AXIN2: variants seen among roughly 807,000 people sequenced by gnomAD.
AXIN2 encodes axin 2.
AXIN2 carries 21 observed loss-of-function variants against 74.7 expected under a neutral mutation model. The observed-to-expected ratio is 0.28, with a 90% CI of 0.20 to 0.40. AXIN2 has a LOEUF of 0.40. AXIN2 is among the 10% of genes least tolerant of loss of function. AXIN2 has a pLI of 1.00. For synonymous variants in AXIN2, 532 were observed against 454.9 expected, an observed-to-expected ratio of 1.17 and a Z score of -2.16; for missense variants, 1,144 against 1,111.1, an observed-to-expected ratio of 1.03 and a Z score of -0.42.
At position 65,537,737 on chromosome 17, in the gene AXIN2, T is replaced by C. The variant is rs1367280984; in HGVS notation, c.1299A>G (p.Glu433=). 7.7e-6 allele frequency: 12 copies of C among 1,566,772 alleles called. No individual in the cohort carries two copies. In the South Asian group the frequency reaches 1.2e-4, roughly 15 times the overall value. The change falls in exon 6 of 11, where the codon GAA becomes GAG. Residue 433 remains glutamate (E), a synonymous_variant. Transcript: ENST00000307078. ...GATCGTCCAGTATCGTCTGCGGGTCTTCCTCGTAGCTGCCGGAGGGCAGTA... is the reference window on the plus strand; with the variant it reads ...GATCGTCCAGTATCGTCTGCGGGTCCTCCTCGTAGCTGCCGGAGGGCAGTA... ...LSLLPSGSYE[E]DPQTILDDHL...
At chr17:65,531,737 A>G (rs1340552063) in intron 10 of AXIN2, among the ~76,000 whole-genome samples, 1 of 152,062 alleles carries the variant, frequency 6.6e-6, no homozygotes, top group African/African-American at 2.4e-5. Flanking sequence ...TCTCCAAGAA[A>G]CAGGCTTTTC....
rs1274418296 is a variant in AXIN2, at chr17:65,537,493, G to A, written c.1543C>T (p.His515Tyr). ...FVTKQTTKHV[H>Y]HHYIHHHAVP... is the part of the protein sequence containing the mutation. ...GCATGGTGGTGGATGTAGTGGTGGTGGACATGCTTCGTCGTCTGCTTGGTC... is the reference window on the plus strand; with the variant it reads ...GCATGGTGGTGGATGTAGTGGTGGTAGACATGCTTCGTCGTCTGCTTGGTC... Residue 515 changes from histidine (H) to tyrosine (Y), a missense_variant, in exon 6 of 11, where the codon CAC becomes TAC. By Grantham distance (83) the His-to-Tyr change is moderately conservative (BLOSUM62 2). This residue lies in a region of AXIN2 where 1,053 missense variants were observed against 973.5 expected (regional missense o/e 1.08). Coordinates refer to ENST00000307078, the MANE Select transcript of AXIN2 (RefSeq NM_004655.4). 8 of 1,613,752 alleles carry A rather than the reference G, an allele frequency of 5.0e-6. No individual in the cohort carries two copies. The African/African-American group carries it at 8.0e-5, about 16-fold the overall frequency.
At chr17:65,546,690 T>A in intron 3 of AXIN2, among the ~76,000 whole-genome samples, 1 of 152,200 alleles carries the variant, frequency 6.6e-6, no homozygotes, top group Non-Finnish European at 1.5e-5. Context: ...TGACAGTTAA[T>A]CTGATAACCT....
chr17:65,552,955 G>A (rs2044215262), intron 2 of AXIN2, among the ~76,000 whole-genome samples: 2 of 152,026 alleles, frequency 1.3e-5, no homozygotes. Flanking sequence ...TTGAACCCGG[G>A]AGGCAAAGGT....
rs111470596 is a variant in AXIN2 at position 65,558,186 on chromosome 17, G to A, written c.435C>T (p.Val145=). 6.2e-7 allele frequency: 1 copy of A among 1,614,106 alleles called. No homozygotes were observed. Among genetic ancestry groups the A allele is most frequent in the Non-Finnish European group, 8.5e-7 (1 of 1,180,022 alleles). The change falls in exon 2 of 11, where the codon GTC becomes GTT. Residue 145 remains valine, a synonymous_variant. Coordinates refer to ENST00000307078, the MANE Select transcript of AXIN2 (RefSeq NM_004655.4). ...TGGTGGCAGGCTTCAGCTGCTTGGA[G>A]ACAATGCTGTTGTTCTCAATGTACC... ...YKRYIENNSI[V]SKQLKPATKT... is the part of the protein sequence containing the mutation.
intron 10 of AXIN2, among the ~76,000 whole-genome samples, chr17:65,530,324 C>A (rs939105759): frequency 3.9e-5 from 6 of 152,220 alleles, no homozygotes; most frequent in Non-Finnish European, 8.8e-5. Flanking sequence ...CACTGAGCAG[C>A]AGCCTGGGCT....
At chr17:65,549,691 A>C (rs2044165531) in intron 2 of AXIN2, 31 bp from the exon 3 acceptor site, 14 of 1,575,208 alleles carry the variant, frequency 8.9e-6, no homozygotes, top group Admixed American at 1.8e-5. Context: ...TGGTTCAGTC[A>C]CTGACCCTCA....
chr17:65,530,359 C>T (rs2144393941), intron 10 of AXIN2, among the ~76,000 whole-genome samples: 1 of 152,330 alleles, frequency 6.6e-6, no homozygotes, highest in African/African-American at 2.4e-5. Context: ...CAATCTTCAA[C>T]CCAGCACCTC....
intron 2 of AXIN2, among the ~76,000 whole-genome samples, chr17:65,550,560 C>A (rs146952622): frequency 6.6e-6 from 1 of 152,120 alleles, no homozygotes; most frequent in African/African-American, 2.4e-5. Flanking sequence ...GCAGGCTGCA[C>A]GTTAAGGCCT....
Position 65,537,588 on chromosome 17 carries a change from G to A in AXIN2, c.1448C>T (p.Pro483Leu), listed in dbSNP as rs530465133. 6.2e-7 allele frequency: 1 copy of A among 1,606,490 alleles called. No individual in the cohort carries two copies. Among genetic ancestry groups the A allele is most frequent in the Non-Finnish European group, 8.5e-7 (1 of 1,177,788 alleles). ...HHSQYHSLLP[P>L]GGKLPPAAAS... ...GGCCGCGGGAGGCAGCTTGCCACCGGGCGGGAGCAGGGAGTGGTACTGCGA... is the reference window on the plus strand; with the variant it reads ...GGCCGCGGGAGGCAGCTTGCCACCGAGCGGGAGCAGGGAGTGGTACTGCGA... The change falls in exon 6 of 11, where the codon CCC (proline) becomes CTC (leucine). Residue 483 changes from proline (P) to leucine (L), a missense_variant. Pro to Leu is a moderately conservative substitution (Grantham distance 98). This residue lies in a region of AXIN2 where 1,053 missense variants were observed against 973.5 expected (regional missense o/e 1.08). Coordinates refer to ENST00000307078, the MANE Select transcript of AXIN2 (RefSeq NM_004655.4).
At chr17:65,532,157 T>C (rs1008668877) in intron 10 of AXIN2, among the ~76,000 whole-genome samples, 1 of 151,868 alleles carries the variant, frequency 6.6e-6, no homozygotes, top group African/African-American at 2.4e-5. Context: ...TGCAAGTCTT[T>C]GTGCATTAAA....
chr17:65,558,087 G>C lies in AXIN2; in HGVS notation c.534C>G (p.Ile178Met), dbSNP rs751537079. ...SIMFDQAQTE[I>M]QSVMEENAYQ... ...AGGCATTTTCCTCCATCACCGACTG[G>C]ATCTCGGTCTGCGCCTGGTCAAACA... Residue 178 changes from isoleucine (I) to methionine (M), a missense_variant, in exon 2 of 11, where the codon ATC becomes ATG. By Grantham distance (10) the Ile-to-Met change is conservative. Transcript: ENST00000307078. 1 of 1,614,026 alleles carries C rather than the reference G, an allele frequency of 6.2e-7. No individual in the cohort carries two copies. The highest frequency in any genetic ancestry group is 1.1e-5 in the South Asian group (1 of 91,060).
chr17:65,558,995 G>A (rs896367904), intron 1 of AXIN2, among the ~76,000 whole-genome samples: 1 of 152,116 alleles, frequency 6.6e-6, no homozygotes, highest in African/African-American at 2.4e-5. Flanking sequence ...GGGAAGGTGA[G>A]AGGAAGGCAA....
At chr17:65,533,327 G>A (rs559992764) in intron 10 of AXIN2, among the ~76,000 whole-genome samples, 2 of 152,294 alleles carry the variant, frequency 1.3e-5, no homozygotes, top group East Asian at 3.9e-4. Context: ...CTTTGTTATG[G>A]ACAAAGGCGC....
intron 1 of AXIN2, chr17:65,560,446 G>A (rs1490662464): frequency 6.6e-6 from 1 of 151,206 alleles, no homozygotes; most frequent in Non-Finnish European, 1.5e-5. Context: ...GGGCAAGCGG[G>A]GGGCGCCGCT....
Position 65,528,764 on chromosome 17 carries a change from A to C in AXIN2, c.*1212T>G, listed in dbSNP as rs2043768456. On this transcript the variant is annotated 3_prime_UTR_variant, in exon 11 of 11. Coordinates refer to ENST00000307078, the MANE Select transcript of AXIN2 (RefSeq NM_004655.4). The stretch of plus-strand genomic sequence containing the variant: ...ATTTATACATAAACCCCTTTCAAAA[A>C]ACAAGGGAAAGCTTGAGCCCTCAAT... The C allele has an allele frequency of 4.0e-6, 2 of 497,996 alleles. No homozygotes were observed. The highest frequency in any genetic ancestry group is 3.2e-5 in the Admixed American group (1 of 30,988). 30.8% of individuals were successfully genotyped at this position (497,996 alleles called of 1,614,324 possible). A position where few individuals can be genotyped will look rare whatever the true frequency, so the allele number is the denominator to read the frequency against.
chr17:65,533,353 G>C (rs571903994), intron 10 of AXIN2, among the ~76,000 whole-genome samples: 1 of 152,206 alleles, frequency 6.6e-6, no homozygotes, highest in East Asian at 1.9e-4. Context: ...TGCTTCTAAT[G>C]GCCCATAAAA....
In AXIN2 at chr17:65,536,853, G is replaced by A. The variant is rs751736675; in HGVS notation, c.1907+16C>T. The A allele has an allele frequency of 2.5e-6, 4 of 1,612,624 alleles. No individual in the cohort carries two copies. In the South Asian group the frequency reaches 3.3e-5, roughly 13 times the overall value. On this transcript the variant is annotated intron_variant, in intron 7 of 10. Transcript: ENST00000307078. ...CCATGACCCTCGCGGCCGCGGCGGC[G>A]GCAAGCGGTGTTTACCTATGGGGCT...
rs1243920878 is a variant in AXIN2 at position 65,559,643 on chromosome 17, C to T, written c.-116-907G>A. The T allele has an allele frequency of 2.0e-5, 3 of 152,272 alleles. No homozygotes were observed. The East Asian group carries it at 5.8e-4, about 29-fold the overall frequency. 9.4% of individuals were successfully genotyped at this position (152,272 alleles called of 1,614,324 possible). Reference sequence around the variant, plus strand: ...AAACTGGATCACCAGCCGTCTCACGCCACTACTGCCTGTGCCAAGAATCCC... The same window carrying T: ...AAACTGGATCACCAGCCGTCTCACGTCACTACTGCCTGTGCCAAGAATCCC... On this transcript the variant is annotated intron_variant, in intron 1 of 10. Transcript: ENST00000307078.
Sources: allele counts gnomAD v4.1 joint callset (sites outside exome capture counted in the v4.1 genomes callset), GRCh38; gene constraint gnomAD v4.1.1; regional missense constraint gnomAD v4.1.1; transcripts MANE v1.5; gene names NCBI Gene and HGNC (gene_info 2026-07-23, HGNC 2026-07-21).